Variants in NAV1 observed in about 807,000 individuals in gnomAD.
NAV1 encodes pore membrane and/or filament interacting like protein 3.
NAV1 carries 18 observed loss-of-function variants against 175.2 expected under a neutral mutation model. The observed-to-expected ratio is 0.10, with a 90% CI of 0.07 to 0.15. The LOEUF (loss-of-function observed/expected upper bound fraction) is 0.15, where lower values mean the gene tolerates loss of function less well. Ranked by LOEUF, NAV1 falls within the 10% of genes least tolerant of loss-of-function variation. The pLI, the probability that NAV1 is intolerant of heterozygous loss-of-function variation, is 1.00. For synonymous variants in NAV1, 897 were observed against 978.7 expected (o/e 0.92, Z 1.56); for missense variants, 1,731 against 2,436.6 (o/e 0.71, Z 6.10).
At chr1:201,570,855 G>A (rs1666519878) in intron 1 of NAV1, among the ~76,000 whole-genome samples, 1 of 152,240 alleles carries the variant, frequency 6.6e-6, no homozygotes, top group Admixed American at 6.5e-5. Context: ...CCTCAGGCCT[G>A]ACAACATGGC....
At chr1:201,571,609 C>T (rs1666545636) in intron 1 of NAV1, among the ~76,000 whole-genome samples, 2 of 152,198 alleles carry the variant, frequency 1.3e-5, no homozygotes, top group South Asian at 4.1e-4. Context: ...GCTATGGGTG[C>T]CCAGCAGAAC....
At chr1:201,796,653 C>A (rs1677471779) in intron 15 of NAV1, 1 of 152,184 alleles carries the variant, frequency 6.6e-6, no homozygotes, top group African/African-American at 2.4e-5. Flanking sequence ...CTTGCTAACA[C>A]TTACTGACCT....
intron 3 of NAV1, among the ~76,000 whole-genome samples, chr1:201,761,944 G>C (rs1398701516): frequency 6.6e-6 from 1 of 151,984 alleles, no homozygotes; most frequent in Non-Finnish European, 1.5e-5. Context: ...CTTGAGGACA[G>C]GAGTTCAAGA....
chr1:201,632,392 T>C (rs1331644402), intron 2 of NAV1, among the ~76,000 whole-genome samples: 1 of 152,248 alleles, frequency 6.6e-6, no homozygotes. Context: ...ACATGTGCCC[T>C]GACCCTCCCT....
chr1:201,770,700 A>T (rs1675518617), intron 3 of NAV1, among the ~76,000 whole-genome samples: 1 of 152,144 alleles, frequency 6.6e-6, no homozygotes, highest in Non-Finnish European at 1.5e-5. Context: ...AAAATAGCTG[A>T]ATTTCCTACA....
rs928303928 is a variant in NAV1 at position 201,665,862 on chromosome 1, T to TA, written c.757+16447dup. 6.7e-3 allele frequency among the ~76,000 whole-genome samples: 982 copies of TA among 146,586 alleles called. 5 individuals are homozygous for TA. Among genetic ancestry groups the TA allele is most frequent in the African/African-American group, 0.015 (581 of 39,912 alleles). ...ATCTCTCAATTATCTGTGCTAGTGT[T>TA]AAAAAAAAAAGCCATTCCATCTGCC... On this transcript the variant is annotated intron_variant, in intron 1 of 29. Coordinates refer to ENST00000367296, the Ensembl canonical transcript of NAV1.
chr1:201,648,583 GCCT>G, exon 1 of NAV1: 1 of 739,660 alleles, frequency 1.4e-6, no homozygotes, highest in Non-Finnish European at 1.8e-6. Context: ...CTCCTCCCCC[GCCT>G]CCTCCTCCTG....
Position 201,810,468 on chromosome 1 carries a change from C to A in NAV1, c.4562-55C>A. On this transcript the variant is annotated intron_variant, in intron 23 of 29. Coordinates refer to ENST00000367296, the Ensembl canonical transcript of NAV1. This position sits in a 1 kb window ranked among gnomAD's most constrained non-coding sequence, Gnocchi z 6.0. ...AAGAAAGAAAAGCCCTTTAGGATCC[C>A]TTGCTATCCTCAAGACCCTGGTCAA... 1 of 1,508,770 alleles carries A rather than the reference C, an allele frequency of 6.6e-7. No individual in the cohort carries two copies. The highest frequency in any genetic ancestry group is 1.2e-5 in the South Asian group (1 of 82,060). 93.5% of individuals were successfully genotyped at this position (1,508,770 alleles called of 1,614,324 possible). A position where few individuals can be genotyped will look rare whatever the true frequency, so the allele number is the denominator to read the frequency against.
chr1:201,810,792 T>C lies in NAV1; in HGVS notation c.4797+34T>C. Reference sequence around the variant, plus strand: ...CCCCCGACACCCCTGCCAGCCTTTGTTCATGCCTCAGCCTTCCCTAAGACC... The same window carrying C: ...CCCCCGACACCCCTGCCAGCCTTTGCTCATGCCTCAGCCTTCCCTAAGACC... On this transcript the variant is annotated intron_variant, in intron 24 of 29. Transcript: ENST00000367296. The surrounding 1 kb of genome is among the most constrained non-coding windows in gnomAD (Gnocchi z 6.0). 1 of 1,562,766 alleles carries C rather than the reference T, an allele frequency of 6.4e-7. No individual in the cohort carries two copies. The highest frequency in any genetic ancestry group is 8.8e-7 in the Non-Finnish European group (1 of 1,137,064).
At chr1:201,732,029 A>G (rs150032647) in intron 3 of NAV1, among the ~76,000 whole-genome samples, 1 of 152,142 alleles carries the variant, frequency 6.6e-6, no homozygotes, top group Admixed American at 6.5e-5. Context: ...TGAGGTTCCA[A>G]CTGAGAGATC....
intron 8 of NAV1, 138 bp downstream of exon 12, chr1:201,785,489 C>T: frequency 2.3e-6 from 2 of 870,610 alleles, no homozygotes; most frequent in South Asian, 1.6e-5. Context: ...TGGTCCCATA[C>T]AAGTACCACC....
intron 1 of NAV1, among the ~76,000 whole-genome samples, chr1:201,705,039 G>A: frequency 6.6e-6 from 1 of 152,094 alleles, no homozygotes; most frequent in South Asian, 2.1e-4. Context: ...GGCTGGTCTT[G>A]AACTCCTGGG....
intron 3 of NAV1, among the ~76,000 whole-genome samples, chr1:201,756,225 T>C (rs998575549): frequency 2.6e-5 from 4 of 151,104 alleles, no homozygotes; most frequent in Admixed American, 1.3e-4. Flanking sequence ...AGACTGAAAA[T>C]TGGGGAAAAA....
chr1:201,611,952 G>A (rs987438465), intron 2 of NAV1, among the ~76,000 whole-genome samples: 27 of 147,166 alleles, frequency 1.8e-4, no homozygotes, highest in Admixed American at 1.4e-3. Flanking sequence ...TGATGTGTGC[G>A]GTGCGAGTGT....
At position 201,662,228 on chromosome 1, in the gene NAV1, A is replaced by G. The variant is rs191563121; in HGVS notation, c.757+12803A>G. Among the ~76,000 whole-genome samples, 93 of 152,348 alleles carry G rather than the reference A, an allele frequency of 6.1e-4. 1 individual carries two copies. The highest frequency in any genetic ancestry group is 2.1e-3 in the African/African-American group (88 of 41,584). On this transcript the variant is annotated intron_variant, in intron 1 of 29. Transcript: ENST00000367296. Reference sequence around the variant, plus strand: ...GGGTGGACCCACTCTGACGTTTCCTATAAGAGTTTAGTGGCACAGGGAACT... The same window carrying G: ...GGGTGGACCCACTCTGACGTTTCCTGTAAGAGTTTAGTGGCACAGGGAACT...
At chr1:201,631,005 A>G (rs993806832) in intron 2 of NAV1, among the ~76,000 whole-genome samples, 2 of 152,238 alleles carry the variant, frequency 1.3e-5, no homozygotes, top group Non-Finnish European at 2.9e-5. Context: ...CAGGCTTGTC[A>G]GCTGGAAGAC....
chr1:201,794,902 CCA>C (rs200664503), intron 15 of NAV1: 28 of 247,844 alleles, frequency 1.1e-4, no homozygotes, highest in South Asian at 1.8e-4. Flanking sequence ...TGTTGTGTGT[CCA>C]CACACACACA....
At chr1:201,614,305 T>C (rs1021494837) in intron 2 of NAV1, among the ~76,000 whole-genome samples, 2 of 152,190 alleles carry the variant, frequency 1.3e-5, no homozygotes, top group Non-Finnish European at 2.9e-5. Flanking sequence ...CGCGGCCCCT[T>C]TAACAGGGCC....
intron 2 of NAV1, among the ~76,000 whole-genome samples, chr1:201,641,749 T>C (rs1252921525): frequency 3.3e-5 from 5 of 152,202 alleles, no homozygotes; most frequent in Non-Finnish European, 7.3e-5. Context: ...TGAAGAGCCA[T>C]GTGGCTGGGT....
Sources: allele counts gnomAD v4.1 joint callset (sites outside exome capture counted in the v4.1 genomes callset), GRCh38; gene constraint gnomAD v4.1.1; non-coding constraint Gnocchi (gnomAD v3.1); transcripts MANE v1.5; gene names NCBI Gene and HGNC (gene_info 2026-07-23, HGNC 2026-07-21).